SP140: variants seen among roughly 807,000 people sequenced by gnomAD.
SP140 encodes nuclear body protein SP140.
In SP140, 81 loss-of-function variants were observed where a neutral mutation model predicts 125.0. The ratio of observed to expected loss-of-function variants is 0.65; its 90% CI spans 0.54 to 0.78. The LOEUF is 0.78. SP140 is among the 30% of genes least tolerant of loss of function. SP140 has a pLI of 0.00. For missense variants in SP140, 858 were observed against 1,037.0 expected, an observed-to-expected ratio of 0.83 and a Z score of 2.37; for synonymous variants, 312 against 354.0, an observed-to-expected ratio of 0.88 and a Z score of 1.33.
intron 17 of SP140, among the ~76,000 whole-genome samples, chr2:230,287,446 G>C (rs1032542878): frequency 6.6e-6 from 1 of 152,026 alleles, no homozygotes; most frequent in African/African-American, 2.4e-5. Flanking sequence ...TTGTAGTTTT[G>C]TCTCAATTTT....
intron 16 of SP140, among the ~76,000 whole-genome samples, 175 bp downstream of exon 16, chr2:230,284,586 T>C (rs527437182): frequency 6.6e-6 from 1 of 152,316 alleles, no homozygotes; most frequent in East Asian, 1.9e-4. Context: ...TTCAACAAAA[T>C]GGTTTCTAAT....
rs940092275 is a variant in SP140 at position 230,269,909 on chromosome 2, G to A, written c.1400G>A (p.Ser467Asn). ...VMCFSEEVPG[S>N]PEARTESDQA... ...TGTTTCTCAGAAGAGGTGCCAGGAA[G>A]CCCAGAAGCAAGGACGGAAAGTGAT... Residue 467 changes from serine to asparagine, a missense_variant, in exon 14 of 27, where the codon AGC becomes AAC. Physicochemically the swap from Ser to Asn is conservative, Grantham distance 46. This residue lies in a region of SP140 where 791 missense variants were observed against 869.5 expected (regional missense o/e 0.91). Transcript: ENST00000392045. The A allele has an allele frequency of 6.2e-7, 1 of 1,614,080 alleles. No homozygotes were observed. Among genetic ancestry groups the A allele is most frequent in the African/African-American group, 1.3e-5 (1 of 75,024 alleles).
upstream of SP140, among the ~76,000 whole-genome samples, chr2:230,224,470 G>GGAGGGAGAGA (rs1559195774): frequency 5.6e-5 from 8 of 141,946 alleles, no homozygotes; most frequent in Admixed American, 2.1e-4. Flanking sequence ...GGAGGGAGAG[G>GGAGGGAGAGA]GAGGGAGAGA....
chr2:230,271,238 T>C (rs563091685), intron 15 of SP140, among the ~76,000 whole-genome samples: 2 of 152,166 alleles, frequency 1.3e-5, no homozygotes, highest in Non-Finnish European at 2.9e-5. Context: ...TACTTAGAAG[T>C]AGGGTGTGGC....
At chr2:230,309,871 G>T (rs2059168380) in intron 22 of SP140, 53 bp from the exon 23 acceptor site, 1 of 1,595,738 alleles carries the variant, frequency 6.3e-7, no homozygotes. Context: ...CAGAGGGTTG[G>T]CCTTCCTGAA....
At chr2:230,285,872 T>A (rs761908081) in intron 17 of SP140, 40 bp downstream of exon 17, 1 of 1,475,590 alleles carries the variant, frequency 6.8e-7, no homozygotes, top group Non-Finnish European at 9.5e-7. Flanking sequence ...GCCCTACAGG[T>A]CAATACAAAT....
chr2:230,238,915 G>A (rs748233630), intron 3 of SP140: 38 of 1,549,212 alleles, frequency 2.5e-5, no homozygotes, highest in South Asian at 7.2e-5. Context: ...GGGCCTTTCC[G>A]AACCATGTGG....
At chr2:230,228,642 C>A (rs1267966662) in intron 1 of SP140, among the ~76,000 whole-genome samples, 2 of 152,140 alleles carry the variant, frequency 1.3e-5, no homozygotes, top group African/African-American at 4.8e-5. Flanking sequence ...AATGTAATGT[C>A]CCTCTTTAAT....
chr2:230,285,194 T>G (rs1045299159), intron 16 of SP140, among the ~76,000 whole-genome samples: 1 of 152,212 alleles, frequency 6.6e-6, no homozygotes, highest in Admixed American at 6.5e-5. Context: ...TTCTTTATAA[T>G]CAGGCCCCTG....
rs746909275 is a variant in SP140 at position 230,290,581 on chromosome 2, TC to T, written c.1825+18del. The T allele has an allele frequency of 6.3e-7, 1 of 1,584,728 alleles. No individual in the cohort carries two copies. Among genetic ancestry groups the T allele is most frequent in the Non-Finnish European group, 8.6e-7 (1 of 1,156,170 alleles). On this transcript the variant is annotated intron_variant, in intron 19 of 26. Coordinates refer to ENST00000392045, the MANE Select transcript of SP140 (RefSeq NM_007237.5). ...TGCAGCAAGGTAGGTTTTATGGTCT[TC>T]TTTAATTTGCAGCTCCTATCTGAAG...
At chr2:230,209,860 T>C in intron 1 of SP140, 1 of 893,584 alleles carries the variant, frequency 1.1e-6, no homozygotes, top group Non-Finnish European at 1.9e-6. Context: ...CTTGACAAGA[T>C]ACAGTCAGAA....
chr2:230,241,420 A>T lies in SP140; in HGVS notation c.423A>T (p.Ser141=). ...TTTCCTCAGTATGCTATGAACACTC[A>T]CCTCTCCAAATGAATAATGTAAACG... ...RSFQNVCYEH[S]PLQMNNVNDL... is the part of the protein sequence containing the mutation. The change falls in exon 4 of 27, where the codon TCA becomes TCT. Residue 141 remains serine (S), a synonymous_variant. Transcript: ENST00000392045. 1 of 1,595,310 alleles carries T rather than the reference A, an allele frequency of 6.3e-7. No individual in the cohort carries two copies. The highest frequency in any genetic ancestry group is 8.6e-7 in the Non-Finnish European group (1 of 1,163,076).
At chr2:230,217,510 A>T (rs1449238849) in intron 3 of SP140, among the ~76,000 whole-genome samples, 6 of 152,184 alleles carry the variant, frequency 3.9e-5, no homozygotes, top group Non-Finnish European at 7.3e-5. Context: ...AAAAGTAGCT[A>T]ATATTTATGG....
rs1490303573 is a variant in SP140 at position 230,253,537 on chromosome 2, A to T, written c.1159+120A>T. 7 of 720,950 alleles carry T rather than the reference A, an allele frequency of 9.7e-6. 1 individual carries two copies. The Middle Eastern group carries it at 1.2e-3, about 124-fold the overall frequency. 44.7% of individuals were successfully genotyped at this position (720,950 alleles called of 1,614,324 possible). ...CTTCTTCACATTCGCATACATACAG[A>T]TGGAATTATGTCAATTTTCTGTTGG... is the stretch of plus-strand genomic sequence containing the variant. On this transcript the variant is annotated intron_variant, in intron 11 of 26. Transcript: ENST00000392045.
At chr2:230,273,334 T>C (rs1443758435) in intron 15 of SP140, among the ~76,000 whole-genome samples, 1 of 152,168 alleles carries the variant, frequency 6.6e-6, no homozygotes, top group Non-Finnish European at 1.5e-5. Flanking sequence ...CCAGCAATCA[T>C]ATGAAACAAA....
chr2:230,229,395 C>A (rs1434431115), intron 1 of SP140, among the ~76,000 whole-genome samples: 5 of 141,624 alleles, frequency 3.5e-5, no homozygotes, highest in Non-Finnish European at 7.6e-5. Context: ...GGTGCTCTTT[C>A]TTTCTCTATG....
In SP140 at chr2:230,248,061, C is replaced by T. The variant is rs1189564014; in HGVS notation, c.888C>T (p.Asp296=). 6.2e-7 allele frequency: 1 copy of T among 1,612,988 alleles called. No individual in the cohort carries two copies. Among genetic ancestry groups the T allele is most frequent in the Non-Finnish European group, 8.5e-7 (1 of 1,179,502 alleles). ...EKYQESPEGR[D]KETFDLKTPQ... Reference sequence around the variant, plus strand: ...ACCAAGAGAGTCCAGAGGGAAGAGACAAAGGTAGGAACAGAAGAAGCAGAG... The same window carrying T: ...ACCAAGAGAGTCCAGAGGGAAGAGATAAAGGTAGGAACAGAAGAAGCAGAG... The change falls in exon 8 of 27, where the codon GAC becomes GAT. Residue 296 remains aspartate, a synonymous_variant. Coordinates refer to ENST00000392045, the MANE Select transcript of SP140 (RefSeq NM_007237.5).
chr2:230,213,009 C>G (rs757092766), intron 1 of SP140: 2 of 1,613,878 alleles, frequency 1.2e-6, no homozygotes, highest in African/African-American at 1.3e-5. Flanking sequence ...TCTGCTCTGC[C>G]ATTCATAGGA....
chr2:230,238,435 T>C, intron 3 of SP140, 54 bp downstream of exon 3: 1 of 1,483,874 alleles, frequency 6.7e-7, no homozygotes, highest in Non-Finnish European at 9.2e-7. Flanking sequence ...CATTCATTGA[T>C]TCATTCATTC....
Sources: allele counts gnomAD v4.1 joint callset (sites outside exome capture counted in the v4.1 genomes callset), GRCh38; gene constraint gnomAD v4.1.1; regional missense constraint gnomAD v4.1.1; transcripts MANE v1.5; gene names NCBI Gene and HGNC (gene_info 2026-07-23, HGNC 2026-07-21).